SEPTIN11: variants seen among roughly 807,000 people sequenced by gnomAD.
SEPTIN11 encodes septin-11.
A neutral mutation model predicts 51.4 loss-of-function variants in SEPTIN11; 25 were observed. That is an observed-to-expected ratio of 0.49 (90% CI 0.35 to 0.68). The LOEUF is 0.68. Among genes scored for constraint, SEPTIN11 ranks in the 30% least tolerant of loss-of-function variants. The pLI is 0.00. For missense variants in SEPTIN11, 381 were observed against 520.8 expected, an observed-to-expected ratio of 0.73 and a Z score of 2.61; for synonymous variants, 174 against 184.1, an observed-to-expected ratio of 0.95 and a Z score of 0.44.
chr4:76,949,773 AGCGGGACGCCG>A lies in SEPTIN11; in HGVS notation c.-127_-117del. ...GGGGGAGCAGATGCCGCTGGCTGCC[AGCGGGACGCCG>A]GCGAGCAGAGCGCAGCCGCGAGGGA... On this transcript the variant is annotated 5_prime_UTR_variant, in exon 1 of 10. It removes the in-frame stop codon of an upstream open reading frame in the 5' UTR. Coordinates refer to ENST00000264893, the MANE Select transcript of SEPTIN11 (RefSeq NM_018243.4). 6.1e-6 allele frequency: 6 copies of A among 976,148 alleles called. No homozygotes were observed. Among genetic ancestry groups the A allele is most frequent in the Non-Finnish European group, 8.8e-6 (6 of 685,156 alleles). 60.5% of individuals were successfully genotyped at this position (976,148 alleles called of 1,614,324 possible). A position where few individuals can be genotyped will look rare whatever the true frequency, so the allele number is the denominator to read the frequency against.
intron 2 of SEPTIN11, among the ~76,000 whole-genome samples, chr4:76,999,235 G>C (rs1723947554): frequency 6.6e-6 from 1 of 152,166 alleles, no homozygotes; most frequent in African/African-American, 2.4e-5. Flanking sequence ...ATCATCCTCA[G>C]AGAGTTGAAT....
At chr4:77,007,034 G>C (rs1172898602) in intron 3 of SEPTIN11, among the ~76,000 whole-genome samples, 2 of 152,180 alleles carry the variant, frequency 1.3e-5, no homozygotes, top group Admixed American at 6.5e-5. Flanking sequence ...TCTGTACATT[G>C]TGCTGGGGCA....
In SEPTIN11 at chr4:76,999,571, G is replaced by A. The variant is rs535919824; in HGVS notation, c.142+3032G>A. Among the ~76,000 whole-genome samples the A allele has an allele frequency of 2.0e-4, 30 of 152,186 alleles. No homozygotes were observed. In the Middle Eastern group the frequency reaches 0.01, roughly 52 times the overall value. Reference sequence around the variant, plus strand: ...ATAAAAAAAATAAAATTATGATCCCGGTAAGGAAAATTTTTACCAAAAATG... The same window carrying A: ...ATAAAAAAAATAAAATTATGATCCCAGTAAGGAAAATTTTTACCAAAAATG... On this transcript the variant is annotated intron_variant, in intron 2 of 9. Coordinates refer to ENST00000264893, the MANE Select transcript of SEPTIN11 (RefSeq NM_018243.4).
At chr4:76,999,048 A>G (rs1315834432) in intron 2 of SEPTIN11, among the ~76,000 whole-genome samples, 1 of 152,168 alleles carries the variant, frequency 6.6e-6, no homozygotes, top group Non-Finnish European at 1.5e-5. Context: ...TTGCTTTTAC[A>G]CAAATGAGAT....
intron 7 of SEPTIN11, among the ~76,000 whole-genome samples, chr4:77,026,508 A>G (rs748392125): frequency 6.6e-6 from 1 of 152,314 alleles, no homozygotes; most frequent in South Asian, 2.1e-4. Context: ...AAATGTGCCT[A>G]GTGCCCCTGC....
intron 1 of SEPTIN11, among the ~76,000 whole-genome samples, chr4:76,954,972 T>G (rs1248014441): frequency 6.0e-5 from 3 of 50,012 alleles, no homozygotes; most frequent in African/African-American, 3.3e-4. Context: ...TTCTTTTTTA[T>G]TTATTTATTT....
chr4:76,997,015 G>T (rs945331001), intron 2 of SEPTIN11, among the ~76,000 whole-genome samples: 9 of 147,198 alleles, frequency 6.1e-5, no homozygotes, highest in African/African-American at 5.0e-5. Flanking sequence ...GAGTAGCTGG[G>T]ATTACAGTAG....
At chr4:77,030,698 T>A (rs1218884024) in intron 8 of SEPTIN11, 85 bp from the exon 9 acceptor site, 5 of 1,316,848 alleles carry the variant, frequency 3.8e-6, no homozygotes, top group African/African-American at 3.0e-5. Flanking sequence ...CCTGGCCATG[T>A]TTTGTTTTTT....
At chr4:76,956,488 C>A (rs1026776314) in intron 1 of SEPTIN11, among the ~76,000 whole-genome samples, 4 of 152,228 alleles carry the variant, frequency 2.6e-5, no homozygotes, top group African/African-American at 9.6e-5. Context: ...TGGTGGCTTA[C>A]ATAGCAAGGG....
At chr4:76,958,855 A>T in intron 1 of SEPTIN11, 3 of 1,481,780 alleles carry the variant, frequency 2.0e-6, no homozygotes, top group Non-Finnish European at 2.8e-6. Context: ...AGAAAACATG[A>T]TTAGACTAAT....
rs1292675193 is a variant in SEPTIN11, at chr4:76,984,408, A to C, written c.28-12017A>C. ...CCCTGCCTTTTCAGAAAGGCACAGA[A>C]ATATATGGTATCTTTCAGAAAGGAA... On this transcript the variant is annotated intron_variant, in intron 1 of 9. Coordinates refer to ENST00000264893, the MANE Select transcript of SEPTIN11 (RefSeq NM_018243.4). The surrounding 1 kb of genome is among the most constrained non-coding windows in gnomAD (Gnocchi z 4.1). Among the ~76,000 whole-genome samples, 1 of 152,166 alleles carries C rather than the reference A, an allele frequency of 6.6e-6. No individual in the cohort carries two copies. Among genetic ancestry groups the C allele is most frequent in the Non-Finnish European group, 1.5e-5 (1 of 68,018 alleles).
chr4:77,020,551 C>T lies in SEPTIN11; in HGVS notation c.834C>T (p.Ile278=), dbSNP rs758398144. Residue 278 remains isoleucine (I), a synonymous_variant, in exon 7 of 10, where the codon ATC becomes ATT. Coordinates refer to ENST00000264893, the MANE Select transcript of SEPTIN11 (RefSeq NM_018243.4). ...CDFVKLREML[I]RVNMEDLREQ... ...TTGTGAAACTTCGAGAGATGCTGAT[C>T]CGCGTGAACATGGAGGACTTGCGAG... 6.2e-7 allele frequency: 1 copy of T among 1,614,062 alleles called. No homozygotes were observed. Among genetic ancestry groups the T allele is most frequent in the Non-Finnish European group, 8.5e-7 (1 of 1,179,996 alleles).
At chr4:76,955,528 A>G (rs994979052) in intron 1 of SEPTIN11, among the ~76,000 whole-genome samples, 1 of 152,232 alleles carries the variant, frequency 6.6e-6, no homozygotes, top group African/African-American at 2.4e-5. Context: ...TGTGCAGTGC[A>G]TTCTTTATAG....
chr4:76,978,419 T>A (rs964956030), intron 1 of SEPTIN11, among the ~76,000 whole-genome samples: 2 of 152,188 alleles, frequency 1.3e-5, no homozygotes, highest in African/African-American at 4.8e-5. Flanking sequence ...GGGCCACGCA[T>A]GTCCCTTGAT....
In SEPTIN11 at chr4:77,034,987, C is replaced by T. The variant is rs1214452999; in HGVS notation, c.*475C>T. ...TCACTGTCTTTTCTCCACACTTGTC[C>T]TAAGCCAAGGTAGATTTGTACGTAG... is the stretch of plus-strand genomic sequence containing the variant. On this transcript the variant is annotated 3_prime_UTR_variant, in exon 10 of 10. Coordinates refer to ENST00000264893, the MANE Select transcript of SEPTIN11 (RefSeq NM_018243.4). The T allele has an allele frequency of 1.0e-6, 1 of 986,218 alleles. No homozygotes were observed. The highest frequency in any genetic ancestry group is 1.2e-6 in the Non-Finnish European group (1 of 830,344). 61.1% of individuals were successfully genotyped at this position (986,218 alleles called of 1,614,324 possible). A position where few individuals can be genotyped will look rare whatever the true frequency, so the allele number is the denominator to read the frequency against.
At chr4:77,021,908 A>T (rs1159111885) in intron 7 of SEPTIN11, among the ~76,000 whole-genome samples, 1 of 152,246 alleles carries the variant, frequency 6.6e-6, no homozygotes, top group African/African-American at 2.4e-5. Context: ...GAACAAATGC[A>T]GAACCCAGAC....
intron 2 of SEPTIN11, among the ~76,000 whole-genome samples, chr4:77,004,995 A>G (rs1724384140): frequency 6.6e-6 from 1 of 152,182 alleles, no homozygotes; most frequent in Admixed American, 6.5e-5. Context: ...ATATACATAC[A>G]TACATAAAAG....
At chr4:77,007,892 C>G (rs907561927) in intron 3 of SEPTIN11, among the ~76,000 whole-genome samples, 1 of 152,218 alleles carries the variant, frequency 6.6e-6, no homozygotes, top group African/African-American at 2.4e-5. Context: ...ATATTCATTT[C>G]TGCATCAATA....
intron 4 of SEPTIN11, 138 bp from the exon 5 acceptor site, chr4:77,014,718 G>C: frequency 1.2e-6 from 1 of 823,414 alleles, no homozygotes; most frequent in Non-Finnish European, 1.9e-6. Context: ...GGGTACATGA[G>C]ATGTTTTGAT....
Sources: allele counts gnomAD v4.1 joint callset (sites outside exome capture counted in the v4.1 genomes callset), GRCh38; gene constraint gnomAD v4.1.1; non-coding constraint Gnocchi (gnomAD v3.1); transcripts MANE v1.5; gene names NCBI Gene and HGNC (gene_info 2026-07-23, HGNC 2026-07-21).